MGAT4C: variants seen among roughly 807,000 people sequenced by gnomAD.
MGAT4C encodes alpha-1,3-mannosyl-glycoprotein 4-beta-N-acetylglucosaminyltransferase C.
In MGAT4C, 19 loss-of-function variants were observed where a neutral mutation model predicts 40.1. The ratio of observed to expected loss-of-function variants is 0.47; its 90% confidence interval spans 0.33 to 0.70. MGAT4C has a LOEUF of 0.70. Among genes scored for constraint, MGAT4C ranks in the 30% least tolerant of loss-of-function variants. The pLI, the probability that MGAT4C is intolerant of heterozygous loss-of-function variation, is 0.02. For synonymous variants in MGAT4C, 181 were observed against 187.1 expected, an observed-to-expected ratio of 0.97 and a Z score of 0.27; for missense variants, 491 against 563.2, an observed-to-expected ratio of 0.87 and a Z score of 1.30.
At chr12:86,696,042 T>C (rs1362812874) in intron 2 of MGAT4C, among the ~76,000 whole-genome samples, 1 of 151,910 alleles carries the variant, frequency 6.6e-6, no homozygotes, top group Non-Finnish European at 1.5e-5. Context: ...AAACCCCGTT[T>C]CTACTAAAAA....
chr12:86,309,216 C>T (rs187399281), intron 4 of MGAT4C, among the ~76,000 whole-genome samples: 1 of 141,510 alleles, frequency 7.1e-6, no homozygotes, highest in African/African-American at 3.1e-5. Context: ...TGTTGTGGAT[C>T]TTCTGATAAA....
At chr12:86,707,655 C>T (rs1323999691) in intron 2 of MGAT4C, among the ~76,000 whole-genome samples, 3 of 151,890 alleles carry the variant, frequency 2.0e-5, no homozygotes, top group Non-Finnish European at 2.9e-5. Flanking sequence ...CTCGGCCTCC[C>T]AAGTAGCTGG....
chr12:86,486,421 A>ACAC (rs1958021103), intron 2 of MGAT4C, among the ~76,000 whole-genome samples: 2 of 143,394 alleles, frequency 1.4e-5, no homozygotes, highest in South Asian at 4.6e-4. Flanking sequence ...CACACACACA[A>ACAC]AAGAGCATGA....
At chr12:86,745,350 T>C (rs950217360) in intron 1 of MGAT4C, among the ~76,000 whole-genome samples, 6 of 151,630 alleles carry the variant, frequency 4.0e-5, no homozygotes, top group African/African-American at 1.4e-4. Context: ...TTCTGTGTAA[T>C]CAAAGTATTT....
At chr12:86,435,677 C>T (rs921486055) in intron 2 of MGAT4C, among the ~76,000 whole-genome samples, 4 of 151,826 alleles carry the variant, frequency 2.6e-5, no homozygotes, top group African/African-American at 9.7e-5. Context: ...TTTGATAAAA[C>T]TCAAATGAAC....
At chr12:86,602,782 G>A (rs1961831511) in intron 2 of MGAT4C, among the ~76,000 whole-genome samples, 1 of 151,864 alleles carries the variant, frequency 6.6e-6, no homozygotes, top group African/African-American at 2.4e-5. Flanking sequence ...CTGAATGAAG[G>A]ATCCTTAAAA....
chr12:86,058,628 CTT>C (rs1408649796), intron 1 of MGAT4C, among the ~76,000 whole-genome samples: 1 of 151,936 alleles, frequency 6.6e-6, no homozygotes, highest in African/African-American at 2.4e-5. Context: ...CATTTGGTAA[CTT>C]ATCCAAGGCA....
intron 1 of MGAT4C, among the ~76,000 whole-genome samples, chr12:86,832,667 G>A (rs927161357): frequency 2.6e-5 from 4 of 151,560 alleles, no homozygotes; most frequent in African/African-American, 4.8e-5. Context: ...ATATAAAACC[G>A]TGCCATGGTT....
At chr12:86,444,328 A>G (rs1957294117) in intron 2 of MGAT4C, among the ~76,000 whole-genome samples, 1 of 152,108 alleles carries the variant, frequency 6.6e-6, no homozygotes, top group African/African-American at 2.4e-5. Context: ...TCCTCTGAAT[A>G]ATATGTTTGG....
chr12:86,439,288 T>C lies in MGAT4C; in HGVS notation c.-228-4023A>G, dbSNP rs113162954. Among the ~76,000 whole-genome samples, 1,003 of 152,016 alleles carry C rather than the reference T, an allele frequency of 6.6e-3. 11 individuals are homozygous for C. The highest frequency in any genetic ancestry group is 0.023 in the African/African-American group (959 of 41,520). On this transcript the variant is annotated intron_variant, in intron 2 of 7. Coordinates refer to the MGAT4C transcript ENST00000548651. ...CAATATCAAGTATCTTCTCAAACCA[T>C]AGCAGAATGAAATTAGAAATTAATT...
At chr12:86,526,715 GT>G (rs1477589236) in intron 2 of MGAT4C, among the ~76,000 whole-genome samples, 1 of 152,172 alleles carries the variant, frequency 6.6e-6, no homozygotes, top group Non-Finnish European at 1.5e-5. Flanking sequence ...AAGAGAGCAA[GT>G]TAAGCCTAGG....
chr12:86,392,189 C>T (rs1464925326), intron 3 of MGAT4C, among the ~76,000 whole-genome samples: 1 of 151,866 alleles, frequency 6.6e-6, no homozygotes, highest in Non-Finnish European at 1.5e-5. Flanking sequence ...TAGGTAATGT[C>T]GGCCAGATGC....
In MGAT4C at chr12:86,325,774, G is replaced by A. The variant is rs12322487; in HGVS notation, c.-57+8291C>T. On this transcript the variant is annotated intron_variant, in intron 4 of 7. Coordinates refer to the MGAT4C transcript ENST00000548651. Reference sequence around the variant, plus strand: ...AGCCTGTATTCTCAGCTACCCAGGAGGCTGAAGCGGGAGGGTCACCTGAGC... The same window carrying A: ...AGCCTGTATTCTCAGCTACCCAGGAAGCTGAAGCGGGAGGGTCACCTGAGC... 7.3e-3 allele frequency among the ~76,000 whole-genome samples: 1,116 copies of A among 152,234 alleles called. 18 individuals carry two copies. The highest frequency in any genetic ancestry group is 0.026 in the African/African-American group (1,069 of 41,530).
chr12:86,746,440 GACT>G (rs1951154548), intron 1 of MGAT4C, among the ~76,000 whole-genome samples: 2 of 151,502 alleles, frequency 1.3e-5, no homozygotes, highest in South Asian at 4.2e-4. Context: ...CACTGTACTG[GACT>G]ACCCTTGTAA....
chr12:86,734,426 T>C (rs1381073435), intron 1 of MGAT4C, among the ~76,000 whole-genome samples: 5 of 151,996 alleles, frequency 3.3e-5, no homozygotes, highest in Admixed American at 1.3e-4. Flanking sequence ...GTGTCCTTCA[T>C]TCTAATGGAA....
At chr12:86,487,921 T>C (rs1407415022) in intron 2 of MGAT4C, among the ~76,000 whole-genome samples, 1 of 152,142 alleles carries the variant, frequency 6.6e-6, no homozygotes, top group Non-Finnish European at 1.5e-5. Context: ...TAAAAACAAA[T>C]AAATTTTGAA....
intron 4 of MGAT4C, among the ~76,000 whole-genome samples, chr12:86,300,509 G>GAAAAACA (rs560017986): frequency 3.3e-5 from 5 of 151,898 alleles, no homozygotes; most frequent in African/African-American, 1.2e-4. Context: ...GGGAAAGACA[G>GAAAAACA]AAAAACAAAA....
chr12:86,638,600 T>G (rs1456843855), intron 2 of MGAT4C, among the ~76,000 whole-genome samples: 1 of 151,836 alleles, frequency 6.6e-6, no homozygotes, highest in African/African-American at 2.4e-5. Context: ...TTCTCTGAGT[T>G]AAGTAAAATT....
intron 2 of MGAT4C, among the ~76,000 whole-genome samples, chr12:86,508,111 GGTTA>G (rs1341017468): frequency 4.6e-5 from 7 of 151,888 alleles, no homozygotes; most frequent in African/African-American, 1.7e-4. Context: ...ACAATGTGCA[GGTTA>G]GTTACATATG....
Sources: gnomAD v4.1 joint callset for allele counts (sites outside exome capture counted in the v4.1 genomes callset) on GRCh38, gnomAD v4.1.1 for gene constraint, MANE v1.5 for transcripts, NCBI Gene and HGNC (gene_info 2026-07-23, HGNC 2026-07-21) for gene names.